Variants in C2orf68 observed in about 807,000 individuals in gnomAD.
C2orf68 encodes the protein UPF0561 protein C2orf68.
In C2orf68, 15 loss-of-function variants were observed where a neutral mutation model predicts 19.1. The observed-to-expected ratio is 0.79, with a 90% CI of 0.53 to 1.21. C2orf68 has a LOEUF of 1.21. C2orf68 is among the 50% of genes most tolerant of loss of function. The pLI, the probability that C2orf68 is intolerant of heterozygous loss-of-function variation, is 0.00. For missense variants in C2orf68, 242 were observed against 226.6 expected (o/e 1.07, Z -0.44); for synonymous variants, 98 against 91.0 (o/e 1.08, Z -0.44).
rs1673364320 is a variant in C2orf68 at position 85,609,512 on chromosome 2, CCAGCTCAGAGCCTCCACTACTGCTGCTTT to C, written c.272_300del (p.Glu91GlyfsTer28). ...CAGAAGAGCTGATGGCCAGAAGGCTCCAGCTCAGAGCCTCCACTACTGCTGCTTTCACCGGACTCTTCATAGTCTGGGTT... is the reference window on the plus strand; with the variant it reads ...CAGAAGAGCTGATGGCCAGAAGGCTCCACCGGACTCTTCATAGTCTGGGTT... On this transcript the variant is annotated frameshift_variant, in exon 3 of 4. Transcript: ENST00000306336. LOFTEE classifies it high-confidence loss of function. 5.6e-6 allele frequency: 9 copies of C among 1,614,214 alleles called. No individual in the cohort carries two copies. The highest frequency in any genetic ancestry group is 7.6e-6 in the Non-Finnish European group (9 of 1,180,038).
rs189456850 is a variant in C2orf68, at chr2:85,609,077, G to A, written c.379-10C>T. ...TTCCTGGGTCATCACCCTACGTGGAGGAAGAGTCAGAAGGCTCAGGGCCTG... is the reference window on the plus strand; with the variant it reads ...TTCCTGGGTCATCACCCTACGTGGAAGAAGAGTCAGAAGGCTCAGGGCCTG... On this transcript the variant is annotated splice_polypyrimidine_tract_variant and intron_variant, in intron 3 of 3. Transcript: ENST00000306336. The A allele has an allele frequency of 5.3e-5, 85 of 1,613,902 alleles. No homozygotes were observed. The Admixed American group carries it at 1.1e-3, about 21-fold the overall frequency.
At position 85,607,144 on chromosome 2, in the gene C2orf68, C is replaced by T. The variant is rs1005474497; in HGVS notation, c.*1801G>A. On this transcript the variant is annotated 3_prime_UTR_variant, in exon 4 of 4. Coordinates refer to ENST00000306336, the MANE Select transcript of C2orf68 (RefSeq NM_001013649.4). ...TGAATTGTGTAATAAAACCAGGAAA[C>T]AGGTGATCCAGCTGTGCGAAAACAG... 2 of 152,146 alleles carry T rather than the reference C, an allele frequency of 1.3e-5. No individual in the cohort carries two copies. The highest frequency in any genetic ancestry group is 4.8e-5 in the African/African-American group (2 of 41,420). 9.4% of individuals were successfully genotyped at this position (152,146 alleles called of 1,614,324 possible).
rs1036051921 is a variant in C2orf68 at position 85,606,287 on chromosome 2, C to T, written c.*2658G>A. ...ATGCTGTTGCCACTGTACGCCACAG[C>T]ACCGGACAGTGTTCTTTGGGACATC... is the stretch of plus-strand genomic sequence containing the variant. On this transcript the variant is annotated 3_prime_UTR_variant, in exon 4 of 4. Transcript: ENST00000306336. Among the ~76,000 whole-genome samples the T allele has an allele frequency of 6.6e-6, 1 of 152,220 alleles. No homozygotes were observed. The highest frequency in any genetic ancestry group is 1.5e-5 in the Non-Finnish European group (1 of 68,046).
chr2:85,606,201 A>G lies in C2orf68; in HGVS notation c.*2744T>C, dbSNP rs926370484. On this transcript the variant is annotated 3_prime_UTR_variant, in exon 4 of 4. Coordinates refer to ENST00000306336, the MANE Select transcript of C2orf68 (RefSeq NM_001013649.4). ...GCGTTTTTTAAAGACAGCCAATTAC[A>G]TCGTATCTAGTCAAATGAGCGGATT... Among the ~76,000 whole-genome samples the G allele has an allele frequency of 3.9e-5, 6 of 152,182 alleles. No homozygotes were observed. Among genetic ancestry groups the G allele is most frequent in the African/African-American group, 1.4e-4 (6 of 41,454 alleles).
At chr2:85,611,489 C>G in intron 2 of C2orf68, 179 bp downstream of exon 2, 2 of 1,549,980 alleles carry the variant, frequency 1.3e-6, no homozygotes, top group South Asian at 1.2e-5. Context: ...GCTTATGAGT[C>G]GTCCCAGTTC....
At chr2:85,609,310 C>A in intron 3 of C2orf68, 125 bp downstream of exon 3, 1 of 1,400,302 alleles carries the variant, frequency 7.1e-7, no homozygotes. Context: ...CCCGGCAGGC[C>A]TAGACTCACA....
At chr2:85,610,451 G>C (rs1376598502) in intron 2 of C2orf68, 1 of 152,216 alleles carries the variant, frequency 6.6e-6, no homozygotes, top group Non-Finnish European at 1.5e-5. Flanking sequence ...AAGCAGAAGG[G>C]TGGATAGAGC....
rs1242959694 is a variant in C2orf68 at position 85,607,596 on chromosome 2, G to T, written c.*1349C>A. On this transcript the variant is annotated 3_prime_UTR_variant, in exon 4 of 4. Coordinates refer to ENST00000306336, the MANE Select transcript of C2orf68 (RefSeq NM_001013649.4). ...GTGACTTGACACATTTTAATGACAAGATTGAAGTAGCTACCTTGCAGGATA... is the reference window on the plus strand; with the variant it reads ...GTGACTTGACACATTTTAATGACAATATTGAAGTAGCTACCTTGCAGGATA... 6.6e-6 allele frequency: 1 copy of T among 152,198 alleles called. No homozygotes were observed. The highest frequency in any genetic ancestry group is 1.5e-5 in the Non-Finnish European group (1 of 68,026). 9.4% of individuals were successfully genotyped at this position (152,198 alleles called of 1,614,324 possible).
chr2:85,609,039 T>A lies in C2orf68; in HGVS notation c.407A>T (p.Lys136Met). The change falls in exon 4 of 4, where the codon AAG becomes ATG. Residue 136 changes from lysine to methionine, a missense_variant. By Grantham distance (95) the Lys-to-Met change is moderately conservative. Coordinates refer to ENST00000306336, the MANE Select transcript of C2orf68 (RefSeq NM_001013649.4). ...QGDDPGKVSE[K>M]VSAHTPLDPP... is the part of the protein sequence containing the mutation. The stretch of plus-strand genomic sequence containing the variant: ...ATCCAGAGGCGTGTGTGCCGACACC[T>A]TCTCACTCACCTTTCCTGGGTCATC... The A allele has an allele frequency of 6.2e-7, 1 of 1,614,226 alleles. No individual in the cohort carries two copies. The highest frequency in any genetic ancestry group is 8.5e-7 in the Non-Finnish European group (1 of 1,180,040).
intron 2 of C2orf68, chr2:85,611,233 GTAA>G (rs1385834616): frequency 3.0e-6 from 4 of 1,321,656 alleles, no homozygotes; most frequent in Non-Finnish European, 3.9e-6. Flanking sequence ...TTTAAAAAAA[GTAA>G]TAATGCTTAA....
At position 85,611,738 on chromosome 2, in the gene C2orf68, C is replaced by T. The variant is rs750058637; in HGVS notation, c.156G>A (p.Arg52=). Residue 52 remains arginine (R), a synonymous_variant, in exon 2 of 4, where the codon AGG becomes AGA. Transcript: ENST00000306336. The part of the protein sequence containing the change: ...KVKQAAKEKV[R]RRHTPAPTRP... ...GCGTCGGCGCGGGCGTGTGCCGCCT[C>T]CTCACCTTCTCCTTGGCCGCCTGCT... 3.7e-6 allele frequency: 6 copies of T among 1,610,382 alleles called. No individual in the cohort carries two copies. In the South Asian group the frequency reaches 6.6e-5, roughly 18 times the overall value.
rs1369998529 is a variant in C2orf68, at chr2:85,606,017, G to T, written c.*2928C>A. Among the ~76,000 whole-genome samples, 2 of 152,208 alleles carry T rather than the reference G, an allele frequency of 1.3e-5. No individual in the cohort carries two copies. The highest frequency in any genetic ancestry group is 2.9e-5 in the Non-Finnish European group (2 of 68,044). ...AAGCTCTAGTGTTTACTCTTGCACA[G>T]CCCCAAACCCTTGGAAACTCAGCTT... On this transcript the variant is annotated 3_prime_UTR_variant, in exon 4 of 4. Coordinates refer to ENST00000306336, the MANE Select transcript of C2orf68 (RefSeq NM_001013649.4).
At position 85,606,592 on chromosome 2, in the gene C2orf68, T is replaced by C. The variant is rs1305806638; in HGVS notation, c.*2353A>G. On this transcript the variant is annotated 3_prime_UTR_variant, in exon 4 of 4. Coordinates refer to ENST00000306336, the MANE Select transcript of C2orf68 (RefSeq NM_001013649.4). ...CTTAATACAGTCACACTGCATAAAT[T>C]AGCTTAGAATGCTCTCTTGGGTAAA... 6.6e-6 allele frequency: 1 copy of C among 152,214 alleles called. No individual in the cohort carries two copies. The highest frequency in any genetic ancestry group is 1.5e-5 in the Non-Finnish European group (1 of 68,034). The allele number at this position is 152,214 out of a possible 1,614,324, so 9.4% of individuals were successfully genotyped here. A position where few individuals can be genotyped will look rare whatever the true frequency, so the allele number is the denominator to read the frequency against.
At position 85,606,235 on chromosome 2, in the gene C2orf68, G is replaced by A. The variant is rs1420555369; in HGVS notation, c.*2710C>T. 6.6e-6 allele frequency among the ~76,000 whole-genome samples: 1 copy of A among 152,252 alleles called. No homozygotes were observed. The highest frequency in any genetic ancestry group is 1.5e-5 in the Non-Finnish European group (1 of 68,046). On this transcript the variant is annotated 3_prime_UTR_variant, in exon 4 of 4. Transcript: ENST00000306336. Reference sequence around the variant, plus strand: ...AGTCAAATGAGCGGATTCTAAAGCAGCCTGCTGGGATGTTCCACTTAGTCT... The same window carrying A: ...AGTCAAATGAGCGGATTCTAAAGCAACCTGCTGGGATGTTCCACTTAGTCT...
chr2:85,607,366 A>C lies in C2orf68; in HGVS notation c.*1579T>G, dbSNP rs545860100. On this transcript the variant is annotated 3_prime_UTR_variant, in exon 4 of 4. Transcript: ENST00000306336. ...TAGTTAACATTAGAAGTCAAAAGGC[A>C]CTTCTAGCCCAGCTGCCTAAGTAGA... The C allele has an allele frequency of 3.3e-5, 5 of 152,178 alleles. No homozygotes were observed. The South Asian group carries it at 1.0e-3, about 31-fold the overall frequency. 9.4% of individuals were successfully genotyped at this position (152,178 alleles called of 1,614,324 possible).
rs1673194720 is a variant in C2orf68, at chr2:85,605,864, T to G, written c.*3081A>C. 6.6e-6 allele frequency among the ~76,000 whole-genome samples: 1 copy of G among 152,200 alleles called. No homozygotes were observed. The highest frequency in any genetic ancestry group is 2.4e-5 in the African/African-American group (1 of 41,448). On this transcript the variant is annotated 3_prime_UTR_variant, in exon 4 of 4. Coordinates refer to ENST00000306336, the MANE Select transcript of C2orf68 (RefSeq NM_001013649.4). ...ATGGAATGTCCCTTCCAGAGAGACT[T>G]TTACACAGGGAAAAGCATTTGTTGG...
In C2orf68 at chr2:85,606,024, AC is replaced by A. The variant is rs1673200559; in HGVS notation, c.*2920del. Among the ~76,000 whole-genome samples the A allele has an allele frequency of 6.6e-6, 1 of 152,160 alleles. No individual in the cohort carries two copies. Among genetic ancestry groups the A allele is most frequent in the Non-Finnish European group, 1.5e-5 (1 of 68,028 alleles). On this transcript the variant is annotated 3_prime_UTR_variant, in exon 4 of 4. Coordinates refer to ENST00000306336, the MANE Select transcript of C2orf68 (RefSeq NM_001013649.4). ...AGTGTTTACTCTTGCACAGCCCCAA[AC>A]CCTTGGAAACTCAGCTTCGTTCTAT...
intron 2 of C2orf68, 50 bp downstream of exon 2, chr2:85,611,618 G>A (rs781069341): frequency 4.5e-6 from 7 of 1,559,350 alleles, no homozygotes; most frequent in Middle Eastern, 1.7e-4. Flanking sequence ...AGGGGAGTGC[G>A]TTGCAGGAAG....
rs1461949439 is a variant in C2orf68, at chr2:85,605,331, A to G, written c.*3614T>C. ...TACCTTCCTTCTGGGATTTTCAAAT[A>G]ATTTGTACACTACATTTTATTCATC... is the stretch of plus-strand genomic sequence containing the variant. On this transcript the variant is annotated 3_prime_UTR_variant, in exon 4 of 4. Transcript: ENST00000306336. 6.6e-6 allele frequency among the ~76,000 whole-genome samples: 1 copy of G among 152,164 alleles called. No homozygotes were observed. The highest frequency in any genetic ancestry group is 2.1e-4 in the South Asian group (1 of 4,826).
Sources: gnomAD v4.1 joint callset for allele counts (sites outside exome capture counted in the v4.1 genomes callset) on GRCh38, gnomAD v4.1.1 for gene constraint, MANE v1.5 for transcripts, NCBI Gene and HGNC (gene_info 2026-07-23, HGNC 2026-07-21) for gene names.